RBM15B: variants seen among roughly 807,000 people sequenced by gnomAD.
The protein encoded by RBM15B is putative RNA-binding protein 15B.
In RBM15B, 11 loss-of-function variants were observed where a neutral mutation model predicts 53.3. That is an observed-to-expected ratio of 0.21 (90% CI 0.13 to 0.34). RBM15B has a LOEUF of 0.34. RBM15B is among the 10% of genes least tolerant of loss of function. The pLI is 1.00. For missense variants in RBM15B, 1,136 were observed against 1,250.3 expected (o/e 0.91, Z 1.38); for synonymous variants, 631 against 540.7 (o/e 1.17, Z -2.32).
Position 51,391,335 on chromosome 3 carries a change from G to A in RBM15B, c.-65G>A, listed in dbSNP as rs1263919147. The A allele has an allele frequency of 6.0e-6, 7 of 1,166,734 alleles. No individual in the cohort carries two copies. Among genetic ancestry groups the A allele is most frequent in the African/African-American group, 1.6e-5 (1 of 61,486 alleles). The allele number at this position is 1,166,734 out of a possible 1,614,324, so 72.3% of individuals were successfully genotyped here. A position where few individuals can be genotyped will look rare whatever the true frequency, so the allele number is the denominator to read the frequency against. On this transcript the variant is annotated 5_prime_UTR_variant, in exon 1 of 1. Transcript: ENST00000563281. This position sits in a 1 kb window ranked among gnomAD's most constrained non-coding sequence, Gnocchi z 4.5. Reference sequence around the variant, plus strand: ...GCGGCGCCGGGGGCGCTGCCTCCTCGGCCGCCGCCTCCGCCGCCGCCGCTG... The same window carrying A: ...GCGGCGCCGGGGGCGCTGCCTCCTCAGCCGCCGCCTCCGCCGCCGCCGCTG...
chr3:51,392,834 G>A lies in RBM15B; in HGVS notation c.1435G>A (p.Gly479Ser). The A allele has an allele frequency of 1.9e-6, 3 of 1,614,074 alleles. No individual in the cohort carries two copies. The highest frequency in any genetic ancestry group is 2.5e-6 in the Non-Finnish European group (3 of 1,180,048). The change falls in exon 1 of 1, where the codon GGT becomes AGT. Residue 479 changes from glycine (G) to serine (S), a missense_variant. Physicochemically the swap from Gly to Ser is moderately conservative, Grantham distance 56. Transcript: ENST00000563281. This position sits in a 1 kb window ranked among gnomAD's most constrained non-coding sequence, Gnocchi z 7.5. The part of the protein sequence containing the change: ...ACAKMRGFPL[G>S]GPDRRLRVDF... Reference sequence around the variant, plus strand: ...TGCTAAAATGAGGGGTTTTCCCTTGGGTGGACCAGACCGCAGGCTCCGCGT... The same window carrying A: ...TGCTAAAATGAGGGGTTTTCCCTTGAGTGGACCAGACCGCAGGCTCCGCGT...
At position 51,393,137 on chromosome 3, in the gene RBM15B, G is replaced by T. The variant is rs782392292; in HGVS notation, c.1738G>T (p.Ala580Ser). 11 of 1,613,966 alleles carry T rather than the reference G, an allele frequency of 6.8e-6. No homozygotes were observed. The African/African-American group carries it at 1.2e-4, about 18-fold the overall frequency. Residue 580 changes from alanine to serine, a missense_variant, in exon 1 of 1, where the codon GCA becomes TCA. Physicochemically the swap from Ala to Ser is moderately conservative, Grantham distance 99. Coordinates refer to ENST00000563281, the MANE Select transcript of RBM15B (RefSeq NM_013286.5). This position sits in a 1 kb window ranked among gnomAD's most constrained non-coding sequence, Gnocchi z 5.6. ...CAGCCGGAGTGGTGAGCGTTGGGGG[G>T]CAGATGGAGACCGTGGTTTGCCCAA... is the stretch of plus-strand genomic sequence containing the variant. ...VRSRSGERWG[A>S]DGDRGLPKPW...
At position 51,395,775 on chromosome 3, in the gene RBM15B, T is replaced by G. The variant is rs956353851; in HGVS notation, c.*1703T>G. On this transcript the variant is annotated 3_prime_UTR_variant, in exon 1 of 1. Coordinates refer to ENST00000563281, the MANE Select transcript of RBM15B (RefSeq NM_013286.5). The stretch of plus-strand genomic sequence containing the variant: ...AGGTCATGCTGGTCCACAGGAACAC[T>G]TGGCAGTGCTCTCGTAGACCCCTCG... 9.7e-6 allele frequency: 4 copies of G among 413,398 alleles called. No individual in the cohort carries two copies. Among genetic ancestry groups the G allele is most frequent in the Non-Finnish European group, 1.8e-5 (4 of 226,156 alleles). 25.6% of individuals were successfully genotyped at this position (413,398 alleles called of 1,614,324 possible).
In RBM15B at chr3:51,391,510, G is replaced by A; in HGVS notation, c.111G>A (p.Ala37=). ...AGGCGGAGGCGGGCGGGCGGCGGGC[G>A]GCGCACAAGGCCTCTGGCGGCGCCA... ...EREAEAGGRR[A]AHKASGGAKH... is the part of the protein sequence containing the mutation. The change falls in exon 1 of 1, where the codon GCG becomes GCA. Residue 37 remains alanine, a synonymous_variant. Transcript: ENST00000563281. The surrounding 1 kb of genome is among the most constrained non-coding windows in gnomAD (Gnocchi z 4.5). The A allele has an allele frequency of 8.2e-7, 1 of 1,214,224 alleles. No individual in the cohort carries two copies. The highest frequency in any genetic ancestry group is 1.0e-6 in the Non-Finnish European group (1 of 977,094). The allele number at this position is 1,214,224 out of a possible 1,614,324, so 75.2% of individuals were successfully genotyped here. A position where few individuals can be genotyped will look rare whatever the true frequency, so the allele number is the denominator to read the frequency against.
Position 51,392,401 on chromosome 3 carries a change from G to A in RBM15B, c.1002G>A (p.Arg334=). The stretch of plus-strand genomic sequence containing the variant: ...ACCTGATGCCCGAGGATGACCAGCG[G>A]GCCACGCGCAACCTCTTCATTGGTA... ...EEDLMPEDDQ[R]ATRNLFIGNL... Residue 334 remains arginine, a synonymous_variant, in exon 1 of 1, where the codon CGG becomes CGA. Transcript: ENST00000563281. The surrounding 1 kb of genome is among the most constrained non-coding windows in gnomAD (Gnocchi z 7.5). 1 of 1,614,054 alleles carries A rather than the reference G, an allele frequency of 6.2e-7. No individual in the cohort carries two copies.
Position 51,393,028 on chromosome 3 carries a change from G to T in RBM15B, c.1629G>T (p.Arg543=). 6.2e-7 allele frequency: 1 copy of T among 1,613,852 alleles called. No individual in the cohort carries two copies. Among genetic ancestry groups the T allele is most frequent in the South Asian group, 1.1e-5 (1 of 91,086 alleles). Residue 543 remains arginine (R), a synonymous_variant, in exon 1 of 1, where the codon CGG becomes CGT. Coordinates refer to ENST00000563281, the MANE Select transcript of RBM15B (RefSeq NM_013286.5). The surrounding 1 kb of genome is among the most constrained non-coding windows in gnomAD (Gnocchi z 5.6). ...ACCTTCTGTACTCAGACCGAGACCG[G>T]ACTTTTTTGGAAGGGGACTGGACCA... ...PPHLLYSDRD[R]TFLEGDWTSP...
Position 51,391,579 on chromosome 3 carries a change from C to G in RBM15B, c.180C>G (p.Ser60Arg). The G allele has an allele frequency of 1.7e-6, 2 of 1,177,866 alleles. No individual in the cohort carries two copies. Among genetic ancestry groups the G allele is most frequent in the Non-Finnish European group, 2.1e-6 (2 of 953,688 alleles). The allele number at this position is 1,177,866 out of a possible 1,614,324, so 73.0% of individuals were successfully genotyped here. A position where few individuals can be genotyped will look rare whatever the true frequency, so the allele number is the denominator to read the frequency against. ...PARARDKPRG[S>R]GSGGGGHRDG... is the part of the protein sequence containing the mutation. The stretch of plus-strand genomic sequence containing the variant: ...GGGCCCGCGACAAACCCCGCGGCAG[C>G]GGAAGCGGCGGGGGCGGGCATCGCG... The change falls in exon 1 of 1, where the codon AGC (serine) becomes AGG (arginine). Residue 60 changes from serine (S) to arginine (R), a missense_variant. Ser to Arg is a moderately radical substitution (Grantham distance 110, BLOSUM62 -1). Coordinates refer to ENST00000563281, the MANE Select transcript of RBM15B (RefSeq NM_013286.5). This position sits in a 1 kb window ranked among gnomAD's most constrained non-coding sequence, Gnocchi z 4.5.
In RBM15B at chr3:51,393,702, G is replaced by A. The variant is rs782540395; in HGVS notation, c.2303G>A (p.Arg768His). ...CTGACCCAGCTGAAGATCGCCCAGC[G>A]CCTTCGACTGGACCAGCCCAAGCTT... is the stretch of plus-strand genomic sequence containing the variant. ...SKLTQLKIAQ[R>H]LRLDQPKLDE... is the part of the protein sequence containing the mutation. The change falls in exon 1 of 1, where the codon CGC becomes CAC. Residue 768 changes from arginine (R) to histidine (H), a missense_variant. By Grantham distance (29) the Arg-to-His change is conservative. Coordinates refer to ENST00000563281, the MANE Select transcript of RBM15B (RefSeq NM_013286.5). This position sits in a 1 kb window ranked among gnomAD's most constrained non-coding sequence, Gnocchi z 5.6. The A allele has an allele frequency of 6.2e-7, 1 of 1,613,228 alleles. No homozygotes were observed. Among genetic ancestry groups the A allele is most frequent in the Non-Finnish European group, 8.5e-7 (1 of 1,179,722 alleles).
rs1341027329 is a variant in RBM15B, at chr3:51,395,881, G to GTTTA, written c.*1817_*1820dup. On this transcript the variant is annotated 3_prime_UTR_variant, in exon 1 of 1. Transcript: ENST00000563281. ...AGCAACACAAAGACATGTTAAGCATGTTTATTTATTTGCCTGTTTTTGTTT... is the reference window on the plus strand; with the variant it reads ...AGCAACACAAAGACATGTTAAGCATGTTTATTTATTTATTTGCCTGTTTTTGTTT... 6 of 413,406 alleles carry GTTTA rather than the reference G, an allele frequency of 1.5e-5. No homozygotes were observed. The highest frequency in any genetic ancestry group is 1.3e-4 in the South Asian group (1 of 7,866). 25.6% of individuals were successfully genotyped at this position (413,406 alleles called of 1,614,324 possible). A position where few individuals can be genotyped will look rare whatever the true frequency, so the allele number is the denominator to read the frequency against.
rs782503374 is a variant in RBM15B, at chr3:51,393,123, G to A, written c.1724G>A (p.Gly575Asp). 2.5e-6 allele frequency: 4 copies of A among 1,613,966 alleles called. No homozygotes were observed. The African/African-American group carries it at 5.3e-5, about 22-fold the overall frequency. Residue 575 changes from glycine (G) to aspartate (D), a missense_variant, in exon 1 of 1, where the codon GGT becomes GAT. Around this residue, in one of 7 missense-constraint regions of RBM15B, gnomAD observed 578 missense variants for 581.6 expected, o/e 0.99. Transcript: ENST00000563281. The surrounding 1 kb of genome is among the most constrained non-coding windows in gnomAD (Gnocchi z 5.6). ...GYSRSVRSRS[G>D]ERWGADGDRG... is the part of the protein sequence containing the mutation. ...AGTCGCTCAGTGCGCAGCCGGAGTG[G>A]TGAGCGTTGGGGGGCAGATGGAGAC...
Position 51,397,199 on chromosome 3 carries a change from T to G in RBM15B, c.*3127T>G, listed in dbSNP as rs1175820964. 6.0e-6 allele frequency: 1 copy of G among 166,986 alleles called. No individual in the cohort carries two copies. The highest frequency in any genetic ancestry group is 6.5e-5 in the Admixed American group (1 of 15,284). 10.3% of individuals were successfully genotyped at this position (166,986 alleles called of 1,614,324 possible). A position where few individuals can be genotyped will look rare whatever the true frequency, so the allele number is the denominator to read the frequency against. On this transcript the variant is annotated 3_prime_UTR_variant, in exon 1 of 1. Coordinates refer to ENST00000563281, the MANE Select transcript of RBM15B (RefSeq NM_013286.5). ...CTGAGCAGCTGTTATTTGGGCAAAA[T>G]CAAAGGAAGAAAGAGACTATGGTCT...
At position 51,393,904 on chromosome 3, in the gene RBM15B, G is replaced by A; in HGVS notation, c.2505G>A (p.Gly835=). The change falls in exon 1 of 1, where the codon GGG becomes GGA. Residue 835 remains glycine (G), a synonymous_variant. Transcript: ENST00000563281. The surrounding 1 kb of genome is among the most constrained non-coding windows in gnomAD (Gnocchi z 5.6). ...ACTTGAAACAGAAGCAGGCCGCAGG[G>A]GTGATCAGCTTGCCAGTGGGGGGGT... ...VSYLKQKQAA[G]VISLPVGGSK... 6.4e-7 allele frequency: 1 copy of A among 1,552,336 alleles called. No individual in the cohort carries two copies. The highest frequency in any genetic ancestry group is 8.7e-7 in the Non-Finnish European group (1 of 1,150,212).
Position 51,394,178 on chromosome 3 carries a change from T to TA in RBM15B, c.*107dup. The TA allele has an allele frequency of 7.9e-7, 1 of 1,273,010 alleles. No homozygotes were observed. The highest frequency in any genetic ancestry group is 1.0e-6 in the Non-Finnish European group (1 of 998,322). 78.9% of individuals were successfully genotyped at this position (1,273,010 alleles called of 1,614,324 possible). A position where few individuals can be genotyped will look rare whatever the true frequency, so the allele number is the denominator to read the frequency against. On this transcript the variant is annotated 3_prime_UTR_variant, in exon 1 of 1. Coordinates refer to ENST00000563281, the MANE Select transcript of RBM15B (RefSeq NM_013286.5). ...CTTTGGTTTGAATTATCTCCTGGGTTATTTTGGTTCATTTGGGTGGGGATC... is the reference window on the plus strand; with the variant it reads ...CTTTGGTTTGAATTATCTCCTGGGTTAATTTTGGTTCATTTGGGTGGGGATC...
In RBM15B at chr3:51,392,985, G is replaced by A. The variant is rs200407277; in HGVS notation, c.1586G>A (p.Arg529Gln). 5.0e-6 allele frequency: 8 copies of A among 1,613,746 alleles called. No individual in the cohort carries two copies. In the East Asian group the frequency reaches 8.9e-5, roughly 18 times the overall value. The change falls in exon 1 of 1, where the codon CGG becomes CAG. Residue 529 changes from arginine to glutamine, a missense_variant. Transcript: ENST00000563281. This position sits in a 1 kb window ranked among gnomAD's most constrained non-coding sequence, Gnocchi z 7.5. ...RHRNLDADLV[R>Q]DRTPPHLLYS... ...CGCAACCTGGACGCCGACCTGGTGC[G>A]GGACAGGACGCCCCCACACCTTCTG...
Position 51,395,231 on chromosome 3 carries a change from T to G in RBM15B, c.*1159T>G, listed in dbSNP as rs1553622434. On this transcript the variant is annotated 3_prime_UTR_variant, in exon 1 of 1. Coordinates refer to ENST00000563281, the MANE Select transcript of RBM15B (RefSeq NM_013286.5). ...AAGATCAGAGCATGTGCCTACACCT[T>G]GTGCCCTGATGCCGAGGTGGAGACC... The G allele has an allele frequency of 6.0e-6, 1 of 167,068 alleles. No homozygotes were observed. Among genetic ancestry groups the G allele is most frequent in the Non-Finnish European group, 1.5e-5 (1 of 68,134 alleles). 10.3% of individuals were successfully genotyped at this position (167,068 alleles called of 1,614,324 possible).
Position 51,396,362 on chromosome 3 carries a change from T to C in RBM15B, c.*2290T>C, listed in dbSNP as rs782776814. The C allele has an allele frequency of 1.2e-5, 2 of 168,938 alleles. No individual in the cohort carries two copies. The highest frequency in any genetic ancestry group is 2.9e-5 in the Non-Finnish European group (2 of 69,378). 10.5% of individuals were successfully genotyped at this position (168,938 alleles called of 1,614,324 possible). A position where few individuals can be genotyped will look rare whatever the true frequency, so the allele number is the denominator to read the frequency against. ...ACCCTGGCATGACATTCCTTCTCTT[T>C]CCTGGCCCTCAACCACTTCCTTCCT... On this transcript the variant is annotated 3_prime_UTR_variant, in exon 1 of 1. Transcript: ENST00000563281.
chr3:51,391,356 C>CGCT lies in RBM15B; in HGVS notation c.-42_-40dup. ...CCTCGGCCGCCGCCTCCGCCGCCGCCGCTGTGAGAAACCTACGGGCCGCCC... is the reference window on the plus strand; with the variant it reads ...CCTCGGCCGCCGCCTCCGCCGCCGCCGCTGCTGTGAGAAACCTACGGGCCGCCC... On this transcript the variant is annotated 5_prime_UTR_variant, in exon 1 of 1. Coordinates refer to ENST00000563281, the MANE Select transcript of RBM15B (RefSeq NM_013286.5). The surrounding 1 kb of genome is among the most constrained non-coding windows in gnomAD (Gnocchi z 4.5). 8.4e-7 allele frequency: 1 copy of CGCT among 1,192,420 alleles called. No individual in the cohort carries two copies. Among genetic ancestry groups the CGCT allele is most frequent in the East Asian group, 3.7e-5 (1 of 27,036 alleles). 73.9% of individuals were successfully genotyped at this position (1,192,420 alleles called of 1,614,324 possible).
At position 51,392,716 on chromosome 3, in the gene RBM15B, C is replaced by T. The variant is rs1553621806; in HGVS notation, c.1317C>T (p.Asp439=). 1.2e-6 allele frequency: 2 copies of T among 1,614,194 alleles called. No individual in the cohort carries two copies. The highest frequency in any genetic ancestry group is 1.1e-5 in the South Asian group (1 of 91,092). The change falls in exon 1 of 1, where the codon GAC becomes GAT. Residue 439 remains aspartate, a synonymous_variant. Coordinates refer to ENST00000563281, the MANE Select transcript of RBM15B (RefSeq NM_013286.5). The surrounding 1 kb of genome is among the most constrained non-coding windows in gnomAD (Gnocchi z 7.5). ...TSLAALAREF[D]RFGSIRTIDH... ...TGGCGGCTCTGGCCCGAGAGTTTGA[C>T]CGCTTTGGGAGCATTCGGACCATTG...
At position 51,392,135 on chromosome 3, in the gene RBM15B, C is replaced by G. The variant is rs782722876; in HGVS notation, c.736C>G (p.Pro246Ala). Reference protein sequence around the residue: ...ASTPPPGPPAPADPLGYLPLH... With the variant: ...ASTPPPGPPAAADPLGYLPLH... ...CACGCCTCCCCCAGGGCCGCCCGCG[C>G]CCGCCGACCCGCTCGGCTACCTCCC... The change falls in exon 1 of 1, where the codon CCC becomes GCC. Residue 246 changes from proline (P) to alanine (A), a missense_variant. Coordinates refer to ENST00000563281, the MANE Select transcript of RBM15B (RefSeq NM_013286.5). The surrounding 1 kb of genome is among the most constrained non-coding windows in gnomAD (Gnocchi z 7.5). 1 of 1,535,668 alleles carries G rather than the reference C, an allele frequency of 6.5e-7. No individual in the cohort carries two copies. Among genetic ancestry groups the G allele is most frequent in the East Asian group, 2.5e-5 (1 of 40,626 alleles).
Sources: gnomAD v4.1 joint callset for allele counts on GRCh38, gnomAD v4.1.1 for gene constraint, gnomAD v4.1.1 regional missense constraint, Gnocchi (gnomAD v3.1) non-coding constraint, MANE v1.5 for transcripts, NCBI Gene and HGNC (gene_info 2026-07-23, HGNC 2026-07-21) for gene names.